NARS2: variants seen among roughly 807,000 people sequenced by gnomAD.
The protein encoded by NARS2 is asparaginyl-tRNA synthetase 2, mitochondrial.
In NARS2, 60 loss-of-function variants were observed where a neutral mutation model predicts 62.9. That is an observed-to-expected ratio of 0.95 (90% CI 0.77 to 1.18). The LOEUF (loss-of-function observed/expected upper bound fraction) is 1.18. NARS2 is among the 50% of genes most tolerant of loss of function. The pLI is 0.00. For synonymous variants in NARS2, 196 were observed against 200.0 expected (o/e 0.98, Z 0.17); for missense variants, 619 against 576.4 (o/e 1.07, Z -0.76).
intron 1 of NARS2, among the ~76,000 whole-genome samples, chr11:78,572,046 T>C (rs963385791): frequency 6.6e-6 from 1 of 152,016 alleles, no homozygotes; most frequent in Non-Finnish European, 1.5e-5. Context: ...GCCGGGAGTG[T>C]TGGCGCTCGT....
At chr11:78,444,881 G>C (rs1415865022) in intron 11 of NARS2, among the ~76,000 whole-genome samples, 1 of 152,070 alleles carries the variant, frequency 6.6e-6, no homozygotes, top group Non-Finnish European at 1.5e-5. Flanking sequence ...CAGCAATTTG[G>C]CAACAGATAA....
At chr11:78,526,336 T>C (rs1049148299) in intron 6 of NARS2, among the ~76,000 whole-genome samples, 4 of 152,148 alleles carry the variant, frequency 2.6e-5, no homozygotes, top group South Asian at 2.1e-4. Context: ...AGATATCCTT[T>C]TGGAAAATGT....
chr11:78,484,024 A>T (rs2135287110), intron 7 of NARS2, among the ~76,000 whole-genome samples: 1 of 152,342 alleles, frequency 6.6e-6, no homozygotes, highest in African/African-American at 2.4e-5. Flanking sequence ...ACAACATGGT[A>T]CTGTTACCAA....
chr11:78,492,088 CATAT>C (rs137953485), intron 7 of NARS2, among the ~76,000 whole-genome samples: 20,019 of 146,290 alleles, frequency 0.14, 1,972 homozygotes, highest in East Asian at 0.37. Flanking sequence ...CTAAGTACTT[CATAT>C]ATATATATAT....
intron 5 of NARS2, among the ~76,000 whole-genome samples, chr11:78,551,190 A>T (rs1856091816): frequency 6.6e-6 from 1 of 152,222 alleles, no homozygotes; most frequent in Admixed American, 6.5e-5. Context: ...AACTTTATAC[A>T]GTTGTGCATA....
chr11:78,525,268 G>A (rs535457517), intron 6 of NARS2, among the ~76,000 whole-genome samples: 2 of 152,186 alleles, frequency 1.3e-5, no homozygotes, highest in South Asian at 2.1e-4. Flanking sequence ...GTGAATGCTC[G>A]TAAAAGCTAT....
chr11:78,453,069 TA>T (rs1858030634), intron 11 of NARS2, among the ~76,000 whole-genome samples: 1 of 152,198 alleles, frequency 6.6e-6, no homozygotes, highest in Admixed American at 6.5e-5. Flanking sequence ...CTTTTGCAAC[TA>T]AAAATCTCTA....
intron 6 of NARS2, among the ~76,000 whole-genome samples, chr11:78,509,787 A>T (rs948338524): frequency 2.0e-5 from 3 of 149,240 alleles, no homozygotes; most frequent in Non-Finnish European, 3.0e-5. Flanking sequence ...GGATCGTGCC[A>T]CTGCACTCCA....
intron 7 of NARS2, among the ~76,000 whole-genome samples, chr11:78,481,026 G>A (rs1365502876): frequency 6.6e-6 from 1 of 151,944 alleles, no homozygotes; most frequent in Non-Finnish European, 1.5e-5. Context: ...TCACCATGTT[G>A]GCCAGGCTGG....
intron 7 of NARS2, among the ~76,000 whole-genome samples, chr11:78,482,961 C>G (rs1859420825): frequency 6.6e-6 from 1 of 152,138 alleles, no homozygotes; most frequent in African/African-American, 2.4e-5. Flanking sequence ...GGCCAATATC[C>G]CTGATGAACA....
chr11:78,448,480 G>A (rs915583620), intron 11 of NARS2, among the ~76,000 whole-genome samples: 4 of 151,904 alleles, frequency 2.6e-5, no homozygotes, highest in Non-Finnish European at 4.4e-5. Flanking sequence ...TAGTAGAGAC[G>A]GGGTTTCACT....
intron 2 of NARS2, among the ~76,000 whole-genome samples, chr11:78,570,505 A>T (rs191578765): frequency 2.4e-4 from 37 of 152,282 alleles, no homozygotes; most frequent in Admixed American, 1.8e-3. Flanking sequence ...CTCTAGCCTC[A>T]ACCGCCCGAG....
chr11:78,548,853 C>G (rs1194727335), intron 5 of NARS2, among the ~76,000 whole-genome samples: 1 of 152,070 alleles, frequency 6.6e-6, no homozygotes, highest in African/African-American at 2.4e-5. Context: ...TAAGGGTATA[C>G]AGCAAATGAA....
chr11:78,444,329 T>C (rs962381490), intron 11 of NARS2, among the ~76,000 whole-genome samples: 1 of 152,190 alleles, frequency 6.6e-6, no homozygotes, highest in Non-Finnish European at 1.5e-5. Context: ...GTTTAATTTG[T>C]AGTATTGTTA....
chr11:78,521,805 A>G (rs1032015646), intron 6 of NARS2, among the ~76,000 whole-genome samples: 3 of 151,268 alleles, frequency 2.0e-5, no homozygotes, highest in Non-Finnish European at 2.9e-5. Flanking sequence ...AAAAAAAAAA[A>G]AAAAGAAAAG....
At chr11:78,482,498 A>G (rs11237518) in intron 7 of NARS2, among the ~76,000 whole-genome samples, 42,870 of 151,940 alleles carry the variant, frequency 0.28, 6,988 homozygotes, top group African/African-American at 0.42. Flanking sequence ...GCCGCTAGCT[A>G]GACTAATAAA....
intron 11 of NARS2, among the ~76,000 whole-genome samples, chr11:78,464,674 T>G (rs1378293099): frequency 9.2e-5 from 14 of 151,994 alleles, no homozygotes; most frequent in Non-Finnish European, 2.1e-4. Context: ...TGCTGATTGG[T>G]GTATTTACAA....
rs1350346125 is a variant in NARS2, at chr11:78,493,071, G to A, written c.814C>T (p.Leu272Phe). 6.2e-7 allele frequency: 1 copy of A among 1,610,796 alleles called. No homozygotes were observed. The highest frequency in any genetic ancestry group is 1.1e-5 in the South Asian group (1 of 90,666). The change falls in exon 7 of 14, where the codon CTT (leucine) becomes TTT (phenylalanine). Residue 272 changes from leucine to phenylalanine, a missense_variant. Physicochemically the swap from Leu to Phe is conservative, Grantham distance 22. Coordinates refer to ENST00000281038, the MANE Select transcript of NARS2 (RefSeq NM_024678.6). ...AAAACTTGTGTACCTACCTGCATAA[G>A]ATCTTGAAGGCTGTCAACAAAAGAA... ...EISFVDSLQD[L>F]MQVIEELFKA...
intron 6 of NARS2, among the ~76,000 whole-genome samples, chr11:78,507,150 C>T (rs1201661829): frequency 6.7e-6 from 1 of 150,372 alleles, no homozygotes; most frequent in African/African-American, 2.5e-5. Flanking sequence ...TTGTTACACG[C>T]CCCTCCCCAC....
Sources: allele counts gnomAD v4.1 joint callset (sites outside exome capture counted in the v4.1 genomes callset), GRCh38; gene constraint gnomAD v4.1.1; transcripts MANE v1.5; gene names NCBI Gene and HGNC (gene_info 2026-07-23, HGNC 2026-07-21).